Variants in TBL1X observed in about 807,000 individuals in gnomAD.
TBL1X encodes F-box-like/WD repeat-containing protein TBL1X.
A neutral mutation model predicts 50.7 loss-of-function variants in TBL1X; 10 were observed. The observed-to-expected ratio is 0.20, with a 90% CI of 0.12 to 0.33. TBL1X has a LOEUF of 0.33. Ranked by LOEUF, TBL1X falls within the 10% of genes least tolerant of loss-of-function variation. The pLI, the probability that TBL1X is intolerant of heterozygous loss-of-function variation, is 1.00. For synonymous variants in TBL1X, 190 were observed against 214.7 expected (o/e 0.88, Z 1.01); for missense variants, 340 against 504.4 (o/e 0.67, Z 3.12).
intron 2 of TBL1X, among the ~76,000 whole-genome samples, chrX:9,602,815 T>C (rs1666863771): frequency 8.9e-6 from 1 of 112,472 alleles, no homozygotes; most frequent in African/African-American, 3.2e-5. Context: ...TTTGGAAATG[T>C]CAGGAAAGTC....
chrX:9,548,522 CAAAGCGTG>C (rs1205468844), intron 2 of TBL1X, among the ~76,000 whole-genome samples: 1 of 112,108 alleles, frequency 8.9e-6, no homozygotes, highest in Non-Finnish European at 1.9e-5. Context: ...ACCTTATTAT[CAAAGCGTG>C]AAAGTTGAGA....
At chrX:9,599,996 T>G (rs771463933) in intron 2 of TBL1X, among the ~76,000 whole-genome samples, 22 of 111,646 alleles carry the variant, frequency 2.0e-4, no homozygotes, top group African/African-American at 7.2e-4. Context: ...CTCCTGTCAG[T>G]AGACACACTA....
At chrX:9,568,547 G>A (rs2082364269) in intron 2 of TBL1X, among the ~76,000 whole-genome samples, 1 of 110,465 alleles carries the variant, frequency 9.1e-6, no homozygotes, top group Non-Finnish European at 1.9e-5. Flanking sequence ...TATCTGTGCA[G>A]TGTGTCTGTG....
At chrX:9,622,351 T>C (rs1236785240) in intron 2 of TBL1X, among the ~76,000 whole-genome samples, 2 of 111,712 alleles carry the variant, frequency 1.8e-5, no homozygotes, top group African/African-American at 6.5e-5. Context: ...TTGACTACTC[T>C]GGTGACTTCA....
chrX:9,523,114 A>T (rs921833343), intron 2 of TBL1X, among the ~76,000 whole-genome samples: 1 of 111,476 alleles, frequency 9.0e-6, no homozygotes, highest in Non-Finnish European at 1.9e-5. Flanking sequence ...ATTATGTTTT[A>T]AAAAAAACCC....
intron 12 of TBL1X, among the ~76,000 whole-genome samples, chrX:9,703,034 A>G (rs893979180): frequency 1.8e-5 from 2 of 111,575 alleles, no homozygotes; most frequent in Admixed American, 9.5e-5. Context: ...GAACCCTGGG[A>G]AGGGAGGCAC....
At chrX:9,615,540 G>C (rs943084079) in intron 2 of TBL1X, among the ~76,000 whole-genome samples, 2 of 112,235 alleles carry the variant, frequency 1.8e-5, no homozygotes, top group African/African-American at 6.5e-5. Context: ...ACTAATAGCT[G>C]CTACAAAGGA....
intron 2 of TBL1X, among the ~76,000 whole-genome samples, chrX:9,533,855 C>T (rs1235592732): frequency 9.0e-6 from 1 of 111,379 alleles, no homozygotes; most frequent in African/African-American, 3.3e-5. Context: ...TTAAATGGGG[C>T]TCCCATAGGT....
rs1159464236 is a variant in TBL1X at position 9,713,426 on chromosome X, C to CT, written c.1606-1458dup. Among the ~76,000 whole-genome samples, 280 of 78,456 alleles carry CT rather than the reference C, an allele frequency of 3.6e-3. 2 individuals are homozygous for CT. Among genetic ancestry groups the CT allele is most frequent in the Non-Finnish European group, 4.0e-3 (168 of 42,202 alleles). 68.1% of individuals were successfully genotyped at this position (78,456 alleles called of 115,157 possible). On this transcript the variant is annotated intron_variant, in intron 16 of 17. Transcript: ENST00000645353. ...AATCAAAGAAATCCTTAGGACTTTT[C>CT]TTTTTTTTTTTTTTTTTTGGATCGG...
chrX:9,478,057 A>T (rs1047521284), intron 1 of TBL1X, among the ~76,000 whole-genome samples: 2 of 112,113 alleles, frequency 1.8e-5, no homozygotes, highest in Non-Finnish European at 3.8e-5. Flanking sequence ...TATAACAGGC[A>T]TCGTGCCTCA....
intron 2 of TBL1X, among the ~76,000 whole-genome samples, chrX:9,579,996 C>A (rs975570118): frequency 1.8e-5 from 2 of 111,768 alleles, no homozygotes; most frequent in South Asian, 7.5e-4. Flanking sequence ...TTACTGTCGA[C>A]GTAAAGAGTC....
chrX:9,705,227 C>T, intron 13 of TBL1X, 113 bp downstream of exon 13: 1 of 1,127,316 alleles, frequency 8.9e-7, no homozygotes, highest in Non-Finnish European at 1.2e-6. Flanking sequence ...CTCTAATGTG[C>T]CCCTTGGCTA....
At chrX:9,689,934 G>A (rs777633281) in intron 7 of TBL1X, among the ~76,000 whole-genome samples, 4 of 112,408 alleles carry the variant, frequency 3.6e-5, no homozygotes, top group African/African-American at 6.5e-5. Context: ...ACCACCAGGC[G>A]TTTTCTTATT....
chrX:9,633,883 G>A (rs1008615069), intron 2 of TBL1X, among the ~76,000 whole-genome samples: 2 of 111,484 alleles, frequency 1.8e-5, no homozygotes, highest in African/African-American at 3.3e-5. Flanking sequence ...TCATCTGCAC[G>A]GGCACTTAGA....
intron 1 of TBL1X, among the ~76,000 whole-genome samples, chrX:9,471,993 C>G (rs1162226949): frequency 1.8e-5 from 2 of 111,238 alleles, no homozygotes; most frequent in African/African-American, 6.5e-5. Context: ...CCTTCCCGGC[C>G]AGCTCTCCAA....
chrX:9,465,737 G>A (rs1019170961), intron 1 of TBL1X, among the ~76,000 whole-genome samples: 2 of 113,018 alleles, frequency 1.8e-5, no homozygotes, highest in Non-Finnish European at 1.9e-5. Context: ...TTGTTTTGGG[G>A]AGGGGGAAGT....
At chrX:9,693,084 G>A (rs1042004841) in intron 9 of TBL1X, 65 bp from the exon 10 acceptor site, 7 of 1,153,534 alleles carry the variant, frequency 6.1e-6, no homozygotes, top group South Asian at 5.4e-5. Context: ...GAGGCTCTCC[G>A]AGCTGCTTCG....
intron 2 of TBL1X, among the ~76,000 whole-genome samples, chrX:9,531,357 GTGT>G (rs1569216630): frequency 2.9e-3 from 203 of 68,960 alleles, no homozygotes; most frequent in South Asian, 0.024. Context: ...CCTGGAGGGT[GTGT>G]GTGTGTGTGT....
intron 2 of TBL1X, among the ~76,000 whole-genome samples, chrX:9,577,531 T>C (rs1414689254): frequency 8.9e-6 from 1 of 111,903 alleles, no homozygotes; most frequent in Non-Finnish European, 1.9e-5. Flanking sequence ...TCTCACAATG[T>C]CTGGAGACAT....
Sources: gnomAD v4.1 joint callset for allele counts (sites outside exome capture counted in the v4.1 genomes callset) on GRCh38, gnomAD v4.1.1 for gene constraint, MANE v1.5 for transcripts, NCBI Gene and HGNC (gene_info 2026-07-23, HGNC 2026-07-21) for gene names.